The following CLEC2D variants were observed in gnomAD, a reference collection of about 807,000 sequenced individuals.
The protein encoded by CLEC2D is C-type lectin related f.
CLEC2D carries 16 observed loss-of-function variants against 20.0 expected under a neutral mutation model. The observed-to-expected ratio is 0.80, with a 90% CI of 0.54 to 1.22. The LOEUF (loss-of-function observed/expected upper bound fraction) is 1.22. Ranked by LOEUF, CLEC2D falls within the 50% of genes most tolerant of loss-of-function variation. CLEC2D has a pLI of 0.00. For missense variants in CLEC2D, 207 were observed against 221.5 expected (o/e 0.93, Z 0.42); for synonymous variants, 77 against 71.1 (o/e 1.08, Z -0.42).
chr12:9,683,321 TGTTTTTTGTGTTTG>T lies in CLEC2D; in HGVS notation c.172+2289_172+2302del, dbSNP rs1865676880. 9.2e-5 allele frequency among the ~76,000 whole-genome samples: 3 copies of T among 32,552 alleles called. No individual in the cohort carries two copies. In the South Asian group the frequency reaches 4.3e-3, roughly 47 times the overall value. 21.4% of individuals were successfully genotyped at this position (32,552 alleles called of 152,430 possible). On this transcript the variant is annotated intron_variant, in intron 2 of 4. Transcript: ENST00000290855. ...TTGCCTGTTCACTCTGATGATAGTT[TGTTTTTTGTGTTTG>T]TTTTTTTTTTTTTTTTTTTGTGCAG...
chr12:9,675,193 T>C (rs1450838564), intron 1 of CLEC2D, among the ~76,000 whole-genome samples: 1 of 23,544 alleles, frequency 4.2e-5, no homozygotes, highest in African/African-American at 6.0e-5. Context: ...GTCTATTCCT[T>C]TTTTTTTTTT....
intron 1 of CLEC2D, among the ~76,000 whole-genome samples, chr12:9,679,629 A>G (rs1665949740): frequency 6.6e-6 from 1 of 152,190 alleles, no homozygotes. Flanking sequence ...AAGGGGGTAC[A>G]GGGGCATATG....
chr12:9,697,054 A>AT lies in CLEC2D; in HGVS notation c.*2180_*2181insT, dbSNP rs1565474244. 18 of 146,202 alleles carry AT rather than the reference A, an allele frequency of 1.2e-4. No homozygotes were observed. Among genetic ancestry groups the AT allele is most frequent in the African/African-American group, 4.9e-4 (18 of 36,486 alleles). The allele number at this position is 146,202 out of a possible 1,614,324, so 9.1% of individuals were successfully genotyped here. A position where few individuals can be genotyped will look rare whatever the true frequency, so the allele number is the denominator to read the frequency against. ...ATACATACATATATATATATATATA[A>AT]AAAATAGAATATTATTCAGCCTTGT... On this transcript the variant is annotated 3_prime_UTR_variant, in exon 5 of 5. Coordinates refer to ENST00000290855, the MANE Select transcript of CLEC2D (RefSeq NM_013269.6).
At chr12:9,672,082 A>T (rs181248583) in intron 1 of CLEC2D, among the ~76,000 whole-genome samples, 43 of 152,250 alleles carry the variant, frequency 2.8e-4, no homozygotes, top group African/African-American at 1.0e-3. Flanking sequence ...ATTGGCTCAT[A>T]GTTCTGGAGG....
intron 3 of CLEC2D, among the ~76,000 whole-genome samples, chr12:9,688,813 A>G (rs1027409488): frequency 6.6e-6 from 1 of 152,250 alleles, no homozygotes; most frequent in Non-Finnish European, 1.5e-5. Flanking sequence ...CCACTGAGAA[A>G]ACTATTGAAC....
chr12:9,680,155 G>C (rs897005726), intron 1 of CLEC2D: 7 of 217,134 alleles, frequency 3.2e-5, no homozygotes, highest in African/African-American at 1.6e-4. Context: ...CATGATATCT[G>C]ATGGTTTTAT....
At chr12:9,671,976 T>G (rs957169058) in intron 1 of CLEC2D, among the ~76,000 whole-genome samples, 4 of 152,142 alleles carry the variant, frequency 2.6e-5, no homozygotes, top group Admixed American at 1.3e-4. Flanking sequence ...TTTCATTTTC[T>G]CCTTGTTGCC....
chr12:9,670,272 G>A (rs912880854), intron 1 of CLEC2D, among the ~76,000 whole-genome samples: 21 of 150,664 alleles, frequency 1.4e-4, no homozygotes, highest in Non-Finnish European at 2.7e-4. Context: ...TACATTGGAT[G>A]CACTGGAAAT....
At chr12:9,683,155 G>A (rs1242785602) in intron 2 of CLEC2D, among the ~76,000 whole-genome samples, 2 of 152,020 alleles carry the variant, frequency 1.3e-5, no homozygotes, top group African/African-American at 4.8e-5. Flanking sequence ...CTTTTGTGAA[G>A]TGTCTGTTCA....
chr12:9,673,668 C>T (rs775421252), intron 1 of CLEC2D, among the ~76,000 whole-genome samples: 2 of 152,228 alleles, frequency 1.3e-5, no homozygotes, highest in Admixed American at 6.5e-5. Flanking sequence ...GTCTGCTGAA[C>T]CTGAAACTGC....
Position 9,696,348 on chromosome 12 carries a change from A to G in CLEC2D, c.*1474A>G. On this transcript the variant is annotated 3_prime_UTR_variant, in exon 5 of 5. Coordinates refer to ENST00000290855, the MANE Select transcript of CLEC2D (RefSeq NM_013269.6). Reference sequence around the variant, plus strand: ...GAGAACTTTCCCTACCATGTTTGATAAATGTTGTCCAGGTTCTATTGCCAA... The same window carrying G: ...GAGAACTTTCCCTACCATGTTTGATGAATGTTGTCCAGGTTCTATTGCCAA... 1.8e-6 allele frequency: 1 copy of G among 542,228 alleles called. No individual in the cohort carries two copies. The highest frequency in any genetic ancestry group is 1.9e-5 in the African/African-American group (1 of 53,326). The allele number at this position is 542,228 out of a possible 1,614,324, so 33.6% of individuals were successfully genotyped here.
chr12:9,673,793 G>A (rs1352285535), intron 1 of CLEC2D, among the ~76,000 whole-genome samples: 2 of 152,176 alleles, frequency 1.3e-5, no homozygotes, highest in Non-Finnish European at 2.9e-5. Context: ...GATGGCTCAG[G>A]GTCCCACCTA....
At chr12:9,670,046 T>C (rs1465163266) in intron 1 of CLEC2D, among the ~76,000 whole-genome samples, 4 of 151,858 alleles carry the variant, frequency 2.6e-5, no homozygotes. Flanking sequence ...AAGTTTAGGA[T>C]TGAAAATAAC....
In CLEC2D at chr12:9,697,188, T is replaced by C. The variant is rs1333054946; in HGVS notation, c.*2314T>C. On this transcript the variant is annotated 3_prime_UTR_variant, in exon 5 of 5. Coordinates refer to ENST00000290855, the MANE Select transcript of CLEC2D (RefSeq NM_013269.6). ...CTGCAGCACTGTGACATGTTAGTGA[T>C]GGCCATAACACCCACGCTGGAAGGT... The C allele has an allele frequency of 6.6e-6, 1 of 152,146 alleles. No homozygotes were observed. The highest frequency in any genetic ancestry group is 2.4e-5 in the African/African-American group (1 of 41,424). The allele number at this position is 152,146 out of a possible 1,614,324, so 9.4% of individuals were successfully genotyped here.
intron 3 of CLEC2D, among the ~76,000 whole-genome samples, chr12:9,688,731 TAAAAAC>T (rs1258357184): frequency 4.0e-5 from 5 of 124,110 alleles, no homozygotes; most frequent in African/African-American, 1.3e-4. Flanking sequence ...AATAATAAAA[TAAAAAC>T]AATAAGTCAA....
Position 9,692,858 on chromosome 12 carries a change from G to C in CLEC2D, c.388G>C (p.Asp130His). ...NFLLRYKGPS[D>H]HWIGLSREQG... ...CCTGTTGAGATATAAAGGCCCATCT[G>C]ATCACTGGATTGGGCTGAGCAGAGA... is the stretch of plus-strand genomic sequence containing the variant. Residue 130 changes from aspartate (D) to histidine (H), a missense_variant, in exon 4 of 5, where the codon GAT becomes CAT. By Grantham distance (81) the Asp-to-His change is moderately conservative (BLOSUM62 -1). Transcript: ENST00000290855. 2 of 1,613,108 alleles carry C rather than the reference G, an allele frequency of 1.2e-6. No homozygotes were observed. The highest frequency in any genetic ancestry group is 1.7e-6 in the Non-Finnish European group (2 of 1,179,406).
At position 9,696,260 on chromosome 12, in the gene CLEC2D, T is replaced by C; in HGVS notation, c.*1386T>C. 7.8e-6 allele frequency: 6 copies of C among 770,784 alleles called. No homozygotes were observed. In the East Asian group the frequency reaches 1.5e-4, roughly 19 times the overall value. The allele number at this position is 770,784 out of a possible 1,614,324, so 47.7% of individuals were successfully genotyped here. ...AATAGTTTAAACAATTTGTTAAAAA[T>C]TTTCCATCTTATTTCATTTCTGTAA... On this transcript the variant is annotated 3_prime_UTR_variant, in exon 5 of 5. Coordinates refer to ENST00000290855, the MANE Select transcript of CLEC2D (RefSeq NM_013269.6).
intron 2 of CLEC2D, among the ~76,000 whole-genome samples, chr12:9,686,572 A>C (rs891422359): frequency 6.6e-6 from 1 of 152,206 alleles, no homozygotes. Flanking sequence ...GCCAAATCCA[A>C]GGATAATGGT....
At position 9,694,779 on chromosome 12, in the gene CLEC2D, G is replaced by A. The variant is rs376555412; in HGVS notation, c.481G>A (p.Gly161Arg). ...WTRQFPILGAGECAYLNDKGA... is the reference protein window; with the variant it reads ...WTRQFPILGARECAYLNDKGA... ...TTGCAGGTTTCCTATCCTGGGAGCA[G>A]GAGAGTGTGCCTATTTGAATGACAA... is the stretch of plus-strand genomic sequence containing the variant. Residue 161 changes from glycine to arginine, a missense_variant, in exon 5 of 5, where the codon GGA (glycine) becomes AGA (arginine). Gly to Arg is a moderately radical substitution (Grantham distance 125). Transcript: ENST00000290855. The A allele has an allele frequency of 2.7e-5, 43 of 1,610,088 alleles. No homozygotes were observed. The highest frequency in any genetic ancestry group is 3.6e-5 in the Non-Finnish European group (42 of 1,176,562).
Sources: allele counts gnomAD v4.1 joint callset (sites outside exome capture counted in the v4.1 genomes callset), GRCh38; gene constraint gnomAD v4.1.1; transcripts MANE v1.5; gene names NCBI Gene and HGNC (gene_info 2026-07-23, HGNC 2026-07-21).